JMJD1C: variants seen among roughly 807,000 people sequenced by gnomAD.
JMJD1C encodes jumonji domain containing 1C.
JMJD1C carries 31 observed loss-of-function variants against 245.3 expected under a neutral mutation model. The observed-to-expected ratio is 0.13, with a 90% CI of 0.09 to 0.17. The LOEUF (loss-of-function observed/expected upper bound fraction) is 0.17, where lower values mean the gene tolerates loss of function less well. Ranked by LOEUF, JMJD1C falls within the 10% of genes least tolerant of loss-of-function variation. The pLI, the probability that JMJD1C is intolerant of heterozygous loss-of-function variation, is 1.00. For synonymous variants in JMJD1C, 1,057 were observed against 1,017.4 expected, an observed-to-expected ratio of 1.04 and a Z score of -0.74; for missense variants, 2,691 against 3,000.2, an observed-to-expected ratio of 0.90 and a Z score of 2.41.
chr10:63,217,844 T>C (rs1031786565), intron 4 of JMJD1C: 4 of 152,140 alleles, frequency 2.6e-5, no homozygotes, highest in African/African-American at 9.7e-5. Context: ...TGTATACATA[T>C]AGCACTAAAA....
chr10:63,476,826 A>G (rs950704748), intron 1 of JMJD1C, among the ~76,000 whole-genome samples: 8 of 152,182 alleles, frequency 5.3e-5, no homozygotes, highest in African/African-American at 1.9e-4. Context: ...GCACTTTGGG[A>G]GGGTGAGGCA....
chr10:63,305,196 G>A (rs993541201), intron 2 of JMJD1C, among the ~76,000 whole-genome samples: 6 of 151,418 alleles, frequency 4.0e-5, no homozygotes, highest in Admixed American at 6.6e-5. Context: ...GTGAAACCCC[G>A]TCTCTACTAA....
At chr10:63,443,438 G>GTA (rs918044444) in intron 1 of JMJD1C, among the ~76,000 whole-genome samples, 1 of 152,136 alleles carries the variant, frequency 6.6e-6, no homozygotes, top group Non-Finnish European at 1.5e-5. Flanking sequence ...AGCCTCCCGA[G>GTA]TAGCTGGGAC....
intron 2 of JMJD1C, among the ~76,000 whole-genome samples, chr10:63,367,947 G>A (rs1042547913): frequency 7.2e-5 from 11 of 152,246 alleles, no homozygotes; most frequent in Admixed American, 5.2e-4. Flanking sequence ...TCTGACTGGC[G>A]AATGTTTCCC....
intron 3 of JMJD1C, among the ~76,000 whole-genome samples, chr10:63,253,233 T>C (rs945789219): frequency 2.0e-5 from 3 of 152,110 alleles, no homozygotes; most frequent in Non-Finnish European, 2.9e-5. Flanking sequence ...GGGACCAGAA[T>C]AGAGAGCACA....
chr10:63,428,629 T>C (rs963410933), intron 1 of JMJD1C, among the ~76,000 whole-genome samples: 3 of 152,112 alleles, frequency 2.0e-5, no homozygotes, highest in Non-Finnish European at 2.9e-5. Flanking sequence ...CAAGTTACTA[T>C]TGATCGTGAT....
At chr10:63,223,106 G>A (rs575351050) in intron 3 of JMJD1C, 30 of 522,162 alleles carry the variant, frequency 5.7e-5, no homozygotes, top group Non-Finnish European at 7.3e-5. Context: ...AAAACTTACC[G>A]ATAGTTTCAG....
At chr10:63,368,160 A>C (rs1480770183) in intron 2 of JMJD1C, among the ~76,000 whole-genome samples, 1 of 152,204 alleles carries the variant, frequency 6.6e-6, no homozygotes. Flanking sequence ...TCTGGACCCA[A>C]AAATTTCAAT....
Position 63,206,879 on chromosome 10 carries a change from C to T in JMJD1C, c.4790G>A (p.Ser1597Asn), listed in dbSNP as rs764268256. The T allele has an allele frequency of 1.2e-6, 2 of 1,608,376 alleles. No individual in the cohort carries two copies. Among genetic ancestry groups the T allele is most frequent in the Non-Finnish European group, 8.5e-7 (1 of 1,176,570 alleles). Residue 1597 changes from serine (S) to asparagine (N), a missense_variant, in exon 10 of 26, where the codon AGT becomes AAT. Ser to Asn is a conservative substitution (Grantham distance 46). This residue lies in a region of JMJD1C where 144 missense variants were observed against 143.3 expected (regional missense o/e 1.00). Coordinates refer to ENST00000399262, the MANE Select transcript of JMJD1C (RefSeq NM_032776.3). ...IASTSSDIQN[S>N]VDSKIIVDKY... is the part of the protein sequence containing the mutation. ...ATCAACTATGATCTTACTATCTACACTATTTTGTATATCACTAGATGTAGA... is the reference window on the plus strand; with the variant it reads ...ATCAACTATGATCTTACTATCTACATTATTTTGTATATCACTAGATGTAGA...
intron 2 of JMJD1C, among the ~76,000 whole-genome samples, chr10:63,297,089 G>A (rs1355284784): frequency 2.6e-5 from 4 of 152,150 alleles, no homozygotes; most frequent in Non-Finnish European, 2.9e-5. Flanking sequence ...ATCCTGAAAA[G>A]TATATGCAGT....
rs375059867 is a variant in JMJD1C at position 63,214,874 on chromosome 10, C to G, written c.1293G>C (p.Gln431His). ...CTTCCTGTATTTGATCCCAGGGAGG[C>G]TGGCTATTTTTTAGGGTCTCTTCTC... ...KAGEETLKNS[Q>H]PPWDQIQEDK... The change falls in exon 8 of 26, where the codon CAG (glutamine) becomes CAC (histidine). Residue 431 changes from glutamine to histidine, a missense_variant. By Grantham distance (24) the Gln-to-His change is conservative. Around this residue, in one of 9 missense-constraint regions of JMJD1C, gnomAD observed 1,562 missense variants for 1,490.7 expected, o/e 1.05. Transcript: ENST00000399262. 2 of 1,613,928 alleles carry G rather than the reference C, an allele frequency of 1.2e-6. No individual in the cohort carries two copies. The highest frequency in any genetic ancestry group is 8.5e-7 in the Non-Finnish European group (1 of 1,179,962).
chr10:63,221,995 T>G (rs1272827457), intron 3 of JMJD1C, among the ~76,000 whole-genome samples: 2 of 152,224 alleles, frequency 1.3e-5, no homozygotes, highest in Non-Finnish European at 2.9e-5. Context: ...GTGTTGGTAT[T>G]ACAGGCGTGA....
intron 1 of JMJD1C, among the ~76,000 whole-genome samples, chr10:63,389,743 T>G (rs971510600): frequency 2.0e-5 from 3 of 152,082 alleles, no homozygotes; most frequent in African/African-American, 4.8e-5. Flanking sequence ...AAGAGGAACT[T>G]TGGGAAGTGT....
intron 2 of JMJD1C, among the ~76,000 whole-genome samples, chr10:63,311,938 T>TA (rs1939262073): frequency 6.6e-6 from 1 of 152,214 alleles, no homozygotes; most frequent in Non-Finnish European, 1.5e-5. Context: ...TGCTTTCACT[T>TA]AATTGTTTCT....
At chr10:63,311,309 G>A (rs780355358) in intron 2 of JMJD1C, among the ~76,000 whole-genome samples, 5 of 151,934 alleles carry the variant, frequency 3.3e-5, no homozygotes, top group Non-Finnish European at 7.4e-5. Context: ...AATCCAAGAA[G>A]TGGAGGTTGC....
At chr10:63,465,319 G>C in intron 1 of JMJD1C, 176 bp downstream of exon 1, 1 of 674,892 alleles carries the variant, frequency 1.5e-6, no homozygotes, top group East Asian at 2.8e-5. Flanking sequence ...GAAGCCGCTC[G>C]GAGAGACGCA....
intron 1 of JMJD1C, among the ~76,000 whole-genome samples, chr10:63,450,747 T>C (rs1407904423): frequency 6.6e-6 from 1 of 152,154 alleles, no homozygotes; most frequent in East Asian, 1.9e-4. Context: ...GCTTTTTCTC[T>C]AAGATCAAGA....
At chr10:63,465,382 G>T (rs1358400995) in intron 1 of JMJD1C, 113 bp downstream of exon 1, 16 of 1,133,756 alleles carry the variant, frequency 1.4e-5, no homozygotes, top group Non-Finnish European at 1.8e-5. Context: ...GCAGAGGGGC[G>T]TGACCGCCAG....
intron 1 of JMJD1C, among the ~76,000 whole-genome samples, chr10:63,487,882 C>A (rs1028782004): frequency 2.0e-5 from 3 of 152,162 alleles, no homozygotes; most frequent in Admixed American, 6.5e-5. Flanking sequence ...ATGAACCAAC[C>A]AGGATGCTAG....
Sources: allele counts gnomAD v4.1 joint callset (sites outside exome capture counted in the v4.1 genomes callset), GRCh38; gene constraint gnomAD v4.1.1; regional missense constraint gnomAD v4.1.1; transcripts MANE v1.5; gene names NCBI Gene and HGNC (gene_info 2026-07-23, HGNC 2026-07-21).